The following PTPRG variants were observed in gnomAD, a reference collection of about 807,000 sequenced individuals.
The protein encoded by PTPRG is receptor-type tyrosine-protein phosphatase gamma.
A neutral mutation model predicts 165.3 loss-of-function variants in PTPRG; 102 were observed. That is an observed-to-expected ratio of 0.62 (90% CI 0.53 to 0.73). The LOEUF (loss-of-function observed/expected upper bound fraction) is 0.73. PTPRG is among the 30% of genes least tolerant of loss of function. The pLI is 0.00. For missense variants in PTPRG, 1,866 were observed against 1,861.4 expected, an observed-to-expected ratio of 1.00 and a Z score of -0.05; for synonymous variants, 675 against 669.5, an observed-to-expected ratio of 1.01 and a Z score of -0.13.
In PTPRG at chr3:62,203,227, T is replaced by G; in HGVS notation, c.1432T>G (p.Ser478Ala). ...CATGGCCCCCATCAGCTCGGGGTCTTCTACCTGGACGTCCTCTGGCATCCC... is the reference window on the plus strand; with the variant it reads ...CATGGCCCCCATCAGCTCGGGGTCTGCTACCTGGACGTCCTCTGGCATCCC... ...ADMAPISSGS[S>A]TWTSSGIPFS... The change falls in exon 12 of 30, where the codon TCT becomes GCT. Residue 478 changes from serine (S) to alanine (A), a missense_variant. Ser to Ala is a moderately conservative substitution (Grantham distance 99). This residue lies in a region of PTPRG where 1,452 missense variants were observed against 1,463.0 expected (regional missense o/e 0.99). Coordinates refer to ENST00000474889, the MANE Select transcript of PTPRG (RefSeq NM_002841.4). This position sits in a 1 kb window ranked among gnomAD's most constrained non-coding sequence, Gnocchi z 6.4. 1 of 1,613,254 alleles carries G rather than the reference T, an allele frequency of 6.2e-7. No homozygotes were observed. The highest frequency in any genetic ancestry group is 8.5e-7 in the Non-Finnish European group (1 of 1,179,534).
At chr3:61,614,157 C>G (rs1437794734) in intron 1 of PTPRG, among the ~76,000 whole-genome samples, 2 of 152,176 alleles carry the variant, frequency 1.3e-5, no homozygotes, top group Non-Finnish European at 2.9e-5. Flanking sequence ...CTCACTCACT[C>G]ACTCACTAGC....
chr3:61,580,242 A>G (rs1247899716), intron 1 of PTPRG, among the ~76,000 whole-genome samples: 1 of 152,150 alleles, frequency 6.6e-6, no homozygotes, highest in Non-Finnish European at 1.5e-5. Context: ...AGGAGTTTGC[A>G]GCCAGTCTGG....
chr3:61,908,648 G>C (rs1202501621), intron 2 of PTPRG, among the ~76,000 whole-genome samples: 1 of 152,032 alleles, frequency 6.6e-6, no homozygotes, highest in Non-Finnish European at 1.5e-5. Context: ...AGGAATTAAG[G>C]GCAGATAGAA....
chr3:61,762,033 T>C (rs2033856726), intron 2 of PTPRG, among the ~76,000 whole-genome samples: 1 of 151,342 alleles, frequency 6.6e-6, no homozygotes, highest in African/African-American at 2.4e-5. Context: ...GAAGCTCTTC[T>C]TGGCTGTTGG....
chr3:62,227,119 C>T (rs537549769), intron 13 of PTPRG, among the ~76,000 whole-genome samples: 1 of 152,114 alleles, frequency 6.6e-6, no homozygotes, highest in Non-Finnish European at 1.5e-5. Flanking sequence ...TGGTAACACC[C>T]CTCTCTTGCT....
At chr3:61,925,551 C>A (rs1377618350) in intron 2 of PTPRG, among the ~76,000 whole-genome samples, 3 of 152,158 alleles carry the variant, frequency 2.0e-5, no homozygotes, top group Non-Finnish European at 4.4e-5. Flanking sequence ...CGAGACCAGC[C>A]TGGCCAACAT....
At chr3:62,147,125 T>G (rs1704151508) in intron 6 of PTPRG, among the ~76,000 whole-genome samples, 1 of 152,178 alleles carries the variant, frequency 6.6e-6, no homozygotes, top group African/African-American at 2.4e-5. Context: ...TGTTGATTCC[T>G]ACTTCATAGG....
intron 1 of PTPRG, among the ~76,000 whole-genome samples, chr3:61,632,246 C>T (rs1701790274): frequency 6.6e-6 from 1 of 152,100 alleles, no homozygotes; most frequent in South Asian, 2.1e-4. Flanking sequence ...GAGGTCAAGG[C>T]TGCAGTGAGC....
intron 1 of PTPRG, among the ~76,000 whole-genome samples, chr3:61,588,025 G>A (rs1700476697): frequency 6.6e-6 from 1 of 151,798 alleles, no homozygotes; most frequent in African/African-American, 2.4e-5. Context: ...GTTACATTGG[G>A]TTGTCTTGTC....
intron 4 of PTPRG, among the ~76,000 whole-genome samples, chr3:62,010,378 G>GTGTA (rs2107736725): frequency 6.6e-6 from 1 of 151,822 alleles, no homozygotes; most frequent in African/African-American, 2.4e-5. Context: ...TCTTGTGTGT[G>GTGTA]TGTGTGTGTG....
At chr3:61,664,367 T>C (rs1013465205) in intron 1 of PTPRG, among the ~76,000 whole-genome samples, 9 of 152,202 alleles carry the variant, frequency 5.9e-5, no homozygotes, top group Middle Eastern at 6.3e-3. Flanking sequence ...TGATGGGCCA[T>C]CACTCCTTGT....
chr3:61,694,226 T>C (rs2030420153), intron 1 of PTPRG, among the ~76,000 whole-genome samples: 1 of 152,116 alleles, frequency 6.6e-6, no homozygotes, highest in Admixed American at 6.6e-5. Context: ...ACTAACTCTC[T>C]AACAGAGACA....
rs1166749424 is a variant in PTPRG at position 61,561,968 on chromosome 3, A to G, written c.-320A>G. ...GCCGCCCGCGGTCCCTGCCTGCCCC[A>G]GGCCCGGGGCATCGCCGCCGGCCGC... On this transcript the variant is annotated 5_prime_UTR_variant, in exon 1 of 30. Coordinates refer to ENST00000474889, the MANE Select transcript of PTPRG (RefSeq NM_002841.4). The G allele has an allele frequency of 1.4e-5, 3 of 216,874 alleles. No homozygotes were observed. Among genetic ancestry groups the G allele is most frequent in the Admixed American group, 1.2e-4 (2 of 17,132 alleles). 13.4% of individuals were successfully genotyped at this position (216,874 alleles called of 1,614,324 possible).
intron 13 of PTPRG, among the ~76,000 whole-genome samples, chr3:62,227,228 C>T (rs1371026327): frequency 6.6e-6 from 1 of 152,204 alleles, no homozygotes; most frequent in Admixed American, 6.5e-5. Context: ...AGCCCAGGCA[C>T]ATGTTCTTCA....
intron 2 of PTPRG, among the ~76,000 whole-genome samples, chr3:61,933,207 C>G (rs952392273): frequency 1.3e-5 from 2 of 152,138 alleles, no homozygotes; most frequent in Admixed American, 1.3e-4. Flanking sequence ...TTTTCAACTT[C>G]AGGTTAAAAA....
chr3:62,070,936 TAA>T (rs60751536), intron 4 of PTPRG, among the ~76,000 whole-genome samples: 1 of 146,394 alleles, frequency 6.8e-6, no homozygotes. Context: ...AAAGTATAAT[TAA>T]AAAAAAAAAG....
intron 2 of PTPRG, chr3:61,925,812 AG>A (rs1360645630): frequency 4.4e-6 from 2 of 459,006 alleles, no homozygotes; most frequent in Admixed American, 4.7e-5. Context: ...TGTTCACCAG[AG>A]GGGATTAGGA....
At chr3:61,891,030 T>G (rs1418023958) in intron 2 of PTPRG, among the ~76,000 whole-genome samples, 1 of 152,160 alleles carries the variant, frequency 6.6e-6, no homozygotes, top group Non-Finnish European at 1.5e-5. Flanking sequence ...TGTTTAAAAA[T>G]TTTTTAAGGC....
At chr3:61,573,920 T>C (rs1163254789) in intron 1 of PTPRG, among the ~76,000 whole-genome samples, 1 of 152,226 alleles carries the variant, frequency 6.6e-6, no homozygotes, top group East Asian at 1.9e-4. Context: ...TCGTACCTTC[T>C]GTTGGCTGCT....
Sources: gnomAD v4.1 joint callset for allele counts (sites outside exome capture counted in the v4.1 genomes callset) on GRCh38, gnomAD v4.1.1 for gene constraint, gnomAD v4.1.1 regional missense constraint, Gnocchi (gnomAD v3.1) non-coding constraint, MANE v1.5 for transcripts, NCBI Gene and HGNC (gene_info 2026-07-23, HGNC 2026-07-21) for gene names.